The following STK31 variants were observed in gnomAD, a reference collection of about 807,000 sequenced individuals.
The protein encoded by STK31 is serine/threonine kinase 31, also known as serine/threonine-protein kinase 31.
A neutral mutation model predicts 129.7 loss-of-function variants in STK31; 89 were observed. That is an observed-to-expected ratio of 0.69 (90% CI 0.58 to 0.82). STK31 has a LOEUF of 0.82. Ranked by LOEUF, STK31 falls within the 40% of genes least tolerant of loss-of-function variation. The probability of loss-of-function intolerance (pLI) is 0.00; values close to 1 mark genes in which losing one functional copy is unlikely to be tolerated. For synonymous variants in STK31, 448 were observed against 395.3 expected (o/e 1.13, Z -1.58); for missense variants, 1,187 against 1,176.4 (o/e 1.01, Z -0.13).
intron 23 of STK31, among the ~76,000 whole-genome samples, chr7:23,824,311 C>G (rs1185469472): frequency 6.6e-5 from 10 of 152,160 alleles, no homozygotes; most frequent in Admixed American, 2.0e-4. Flanking sequence ...AGAGGTCCTT[C>G]ACATCCCTTG....
intron 23 of STK31, among the ~76,000 whole-genome samples, chr7:23,816,967 A>G (rs542101297): frequency 1.3e-5 from 2 of 152,170 alleles, no homozygotes; most frequent in Admixed American, 6.6e-5. Context: ...GGGCAGATCA[A>G]CTGAGGTCAG....
At chr7:23,769,544 C>T (rs1790054086) in intron 12 of STK31, 96 bp from the exon 13 acceptor site, 2 of 806,478 alleles carry the variant, frequency 2.5e-6, no homozygotes, top group African/African-American at 1.7e-5. Flanking sequence ...TTACATTGCC[C>T]AGGGTATAGC....
At chr7:23,712,204 A>G (rs373935749) in intron 2 of STK31, 30 bp from the exon 3 acceptor site, 9 of 1,613,844 alleles carry the variant, frequency 5.6e-6, no homozygotes, top group Middle Eastern at 1.6e-4. Context: ...ATTAATTTCT[A>G]ATTTTCCTTG....
Position 23,788,002 on chromosome 7 carries a change from G to T in STK31, c.2510G>T (p.Gly837Val), listed in dbSNP as rs1001544688. Reference protein sequence around the residue: ...NSEETLKVMKGVAQGLHTLHK... With the variant: ...NSEETLKVMKVVAQGLHTLHK... ...TAGGAAACTTTAAAGGTCATGAAAG[G>T]TGTTGCCCAGGGTCTGCATACATTG... Residue 837 changes from glycine to valine, a missense_variant, in exon 21 of 24, where the codon GGT becomes GTT. Gly to Val is a moderately radical substitution (Grantham distance 109, BLOSUM62 -3). Coordinates refer to ENST00000355870, the MANE Select transcript of STK31 (RefSeq NM_031414.5). The T allele has an allele frequency of 6.3e-7, 1 of 1,580,354 alleles. No individual in the cohort carries two copies. Among genetic ancestry groups the T allele is most frequent in the African/African-American group, 1.4e-5 (1 of 73,468 alleles).
At chr7:23,798,123 A>C (rs1261023721) in intron 22 of STK31, among the ~76,000 whole-genome samples, 1 of 152,190 alleles carries the variant, frequency 6.6e-6, no homozygotes, top group Non-Finnish European at 1.5e-5. Context: ...CTACCAACCA[A>C]AAAAAGTCCA....
rs148416343 is a variant in STK31, at chr7:23,807,126, A to G, written c.2761-8018A>G. 3.3e-3 allele frequency among the ~76,000 whole-genome samples: 501 copies of G among 152,062 alleles called. 4 individuals carry two copies. Among genetic ancestry groups the G allele is most frequent in the African/African-American group, 0.011 (456 of 41,492 alleles). ...TTGTTTTTGTTTTTTAAGATAGTCT[A>G]TTTACCCATATTTTTATTCTTATTC... is the stretch of plus-strand genomic sequence containing the variant. On this transcript the variant is annotated intron_variant, in intron 22 of 23. Coordinates refer to ENST00000355870, the MANE Select transcript of STK31 (RefSeq NM_031414.5).
chr7:23,829,804 G>GT (rs1307920626), intron 23 of STK31, among the ~76,000 whole-genome samples: 2 of 152,156 alleles, frequency 1.3e-5, no homozygotes, highest in Non-Finnish European at 2.9e-5. Flanking sequence ...ACCAAATCCC[G>GT]TTACTTGTTA....
chr7:23,728,945 A>T (rs1367199240), intron 5 of STK31, 146 bp from the exon 6 acceptor site: 3 of 586,546 alleles, frequency 5.1e-6, no homozygotes, highest in Non-Finnish European at 7.9e-6. Context: ...AGATATTAGA[A>T]ATCTGTTTCT....
chr7:23,740,785 G>A (rs1788012030), intron 8 of STK31, among the ~76,000 whole-genome samples: 1 of 151,850 alleles, frequency 6.6e-6, no homozygotes, highest in Non-Finnish European at 1.5e-5. Context: ...TGAGAATGAT[G>A]GTTTCCAGCT....
At chr7:23,823,541 G>T (rs1453077122) in intron 23 of STK31, among the ~76,000 whole-genome samples, 2 of 152,084 alleles carry the variant, frequency 1.3e-5, no homozygotes, top group African/African-American at 2.4e-5. Flanking sequence ...CTCCCATTTT[G>T]TAGGTTGCTT....
At chr7:23,798,328 G>A (rs570556590) in intron 22 of STK31, among the ~76,000 whole-genome samples, 55 of 152,236 alleles carry the variant, frequency 3.6e-4, no homozygotes, top group African/African-American at 1.3e-3. Flanking sequence ...TATCCCTGAT[G>A]AACATTGATG....
Position 23,773,956 on chromosome 7 carries a change from G to A in STK31, c.1965+1678G>A, listed in dbSNP as rs1184281562. Reference sequence around the variant, plus strand: ...CACCCCCCACCCCACAACAGACCCCGGGGTGTGATGGTCCCCTTCCTGTGT... The same window carrying A: ...CACCCCCCACCCCACAACAGACCCCAGGGTGTGATGGTCCCCTTCCTGTGT... On this transcript the variant is annotated intron_variant, in intron 15 of 23. Coordinates refer to ENST00000355870, the MANE Select transcript of STK31 (RefSeq NM_031414.5). Among the ~76,000 whole-genome samples the A allele has an allele frequency of 2.9e-5, 4 of 139,516 alleles. No homozygotes were observed. In the East Asian group the frequency reaches 5.9e-4, roughly 20 times the overall value. 91.5% of individuals were successfully genotyped at this position (139,516 alleles called of 152,430 possible).
chr7:23,727,493 AT>A (rs1787154941), intron 5 of STK31, 178 bp downstream of exon 5: 1 of 515,316 alleles, frequency 1.9e-6, no homozygotes, highest in South Asian at 2.2e-5. Context: ...ACCTCAGATT[AT>A]TCAAGAATAG....
intron 6 of STK31, among the ~76,000 whole-genome samples, chr7:23,735,326 G>A (rs181507737): frequency 7.2e-5 from 11 of 152,272 alleles, no homozygotes; most frequent in Non-Finnish European, 1.3e-4. Context: ...GTGGCTGCCT[G>A]TACAAGTATT....
chr7:23,792,736 T>C (rs557552308), intron 22 of STK31, among the ~76,000 whole-genome samples: 2 of 152,256 alleles, frequency 1.3e-5, no homozygotes, highest in South Asian at 2.1e-4. Flanking sequence ...ATTAAGACAA[T>C]GTAGGCCTAG....
chr7:23,736,074 T>A (rs992811613), intron 7 of STK31, among the ~76,000 whole-genome samples, 178 bp downstream of exon 7: 2 of 152,220 alleles, frequency 1.3e-5, no homozygotes. Context: ...GATATTTTCA[T>A]TAAAAGCTAT....
At chr7:23,737,931 A>G (rs1024498687) in intron 8 of STK31, among the ~76,000 whole-genome samples, 5 of 151,554 alleles carry the variant, frequency 3.3e-5, no homozygotes, top group Admixed American at 3.3e-4. Context: ...TTCCTGCACT[A>G]GTTCCTCCAA....
At chr7:23,724,569 G>C (rs73271363) in intron 4 of STK31, among the ~76,000 whole-genome samples, 1 of 152,098 alleles carries the variant, frequency 6.6e-6, no homozygotes. Context: ...CATATCTGTC[G>C]CTTACCTTAT....
chr7:23,756,832 G>A (rs1363687559), intron 10 of STK31, among the ~76,000 whole-genome samples: 1 of 152,214 alleles, frequency 6.6e-6, no homozygotes, highest in East Asian at 1.9e-4. Context: ...GCGTCCCAGG[G>A]ATGAAGTGGA....
Sources: allele counts gnomAD v4.1 joint callset (sites outside exome capture counted in the v4.1 genomes callset), GRCh38; gene constraint gnomAD v4.1.1; transcripts MANE v1.5; gene names NCBI Gene and HGNC (gene_info 2026-07-23, HGNC 2026-07-21).